FAM174A: variants seen among roughly 807,000 people sequenced by gnomAD.
The protein encoded by FAM174A is membrane protein FAM174A.
Under a neutral mutation model 14.3 loss-of-function variants are expected in FAM174A, and 14 were observed. The ratio of observed to expected loss-of-function variants is 0.98; its 90% CI spans 0.65 to 1.53. FAM174A has a LOEUF of 1.53. Ranked by LOEUF, FAM174A falls within the 40% of genes most tolerant of loss-of-function variation. The pLI is 0.00. For missense variants in FAM174A, 241 were observed against 249.6 expected (o/e 0.97, Z 0.23); for synonymous variants, 108 against 111.4 (o/e 0.97, Z 0.19).
intron 1 of FAM174A, among the ~76,000 whole-genome samples, chr5:100,553,217 T>C (rs186701840): frequency 5.3e-5 from 8 of 152,200 alleles, no homozygotes; most frequent in African/African-American, 1.9e-4. Context: ...TGTTTAAAAA[T>C]AATACACAAT....
chr5:100,554,183 T>C (rs111671784), intron 1 of FAM174A, among the ~76,000 whole-genome samples: 4 of 152,248 alleles, frequency 2.6e-5, no homozygotes, highest in African/African-American at 7.2e-5. Context: ...CCTTAACTTA[T>C]ATTTCCAACT....
intron 1 of FAM174A, among the ~76,000 whole-genome samples, chr5:100,556,881 T>A (rs1043615071): frequency 6.6e-6 from 1 of 152,194 alleles, no homozygotes; most frequent in African/African-American, 2.4e-5. Context: ...AATCATGTCA[T>A]CTGCAAACAG....
chr5:100,553,029 A>G (rs531119097), intron 1 of FAM174A, among the ~76,000 whole-genome samples: 15 of 152,136 alleles, frequency 9.9e-5, no homozygotes, highest in South Asian at 4.1e-4. Context: ...TGCATTTACT[A>G]TGTCTAGTAG....
chr5:100,566,180 A>ATATATGTAC (rs371669507), intron 2 of FAM174A, among the ~76,000 whole-genome samples: 1 of 113,398 alleles, frequency 8.8e-6, no homozygotes, highest in Admixed American at 9.3e-5. Flanking sequence ...ATGTACATAT[A>ATATATGTAC]ATATATATAA....
At chr5:100,570,162 A>G (rs1210596528) in intron 2 of FAM174A, among the ~76,000 whole-genome samples, 3 of 151,744 alleles carry the variant, frequency 2.0e-5, no homozygotes, top group Non-Finnish European at 2.9e-5. Flanking sequence ...TAATTTGGGG[A>G]AGGTGGCCAC....
At chr5:100,569,269 A>G in intron 2 of FAM174A, among the ~76,000 whole-genome samples, 1 of 151,970 alleles carries the variant, frequency 6.6e-6, no homozygotes, top group Admixed American at 6.6e-5. Context: ...AAGTCATGCC[A>G]TATATGTATG....
At chr5:100,582,042 C>T (rs1747027912) in intron 2 of FAM174A, among the ~76,000 whole-genome samples, 1 of 152,002 alleles carries the variant, frequency 6.6e-6, no homozygotes, top group Non-Finnish European at 1.5e-5. Context: ...TAGTCAAGTT[C>T]AAAAGGCTAT....
intron 1 of FAM174A, among the ~76,000 whole-genome samples, chr5:100,560,801 CTGAAATATTT>C (rs1746508250): frequency 6.6e-6 from 1 of 151,912 alleles, no homozygotes; most frequent in South Asian, 2.1e-4. Context: ...TGATAACTTG[CTGAAATATTT>C]TCTATTTATT....
chr5:100,582,117 T>C (rs983425749), intron 2 of FAM174A, among the ~76,000 whole-genome samples: 1 of 152,192 alleles, frequency 6.6e-6, no homozygotes, highest in Admixed American at 6.5e-5. Context: ...AAACTGCAAT[T>C]TTGATTTTAC....
intron 2 of FAM174A, among the ~76,000 whole-genome samples, chr5:100,578,064 GT>G (rs1746936969): frequency 6.6e-6 from 1 of 152,058 alleles, no homozygotes; most frequent in Non-Finnish European, 1.5e-5. Flanking sequence ...TAGTCTGTTT[GT>G]TTGTAGAAGA....
intron 1 of FAM174A, among the ~76,000 whole-genome samples, chr5:100,555,032 C>T (rs1292088032): frequency 1.3e-5 from 2 of 151,970 alleles, no homozygotes; most frequent in African/African-American, 4.8e-5. Flanking sequence ...TACCCATTAA[C>T]TCGTCATTTA....
intron 2 of FAM174A, among the ~76,000 whole-genome samples, chr5:100,582,963 C>G (rs988577133): frequency 7.2e-5 from 11 of 152,274 alleles, no homozygotes; most frequent in African/African-American, 2.4e-4. Flanking sequence ...AACTTAACTA[C>G]TAATAACCTG....
chr5:100,549,519 T>C (rs1746222775), intron 1 of FAM174A, among the ~76,000 whole-genome samples: 1 of 152,154 alleles, frequency 6.6e-6, no homozygotes, highest in Admixed American at 6.6e-5. Context: ...TGATTGTATG[T>C]ACTGAATTAC....
rs182609505 is a variant in FAM174A, at chr5:100,540,527, C to T, written c.434+4563C>T. Among the ~76,000 whole-genome samples, 80 of 152,078 alleles carry T rather than the reference C, an allele frequency of 5.3e-4. No individual in the cohort carries two copies. The Middle Eastern group carries it at 0.014, about 26-fold the overall frequency. ...TCAAATGTTTTCTATATAAAGAGAC[C>T]CAGAAACTTGGAAATGTATTTAACA... On this transcript the variant is annotated intron_variant, in intron 1 of 2. Transcript: ENST00000312637.
chr5:100,569,910 G>T (rs984891460), intron 2 of FAM174A, among the ~76,000 whole-genome samples: 2 of 151,530 alleles, frequency 1.3e-5, no homozygotes, highest in Admixed American at 6.6e-5. Flanking sequence ...ACAATTTTTG[G>T]GTTTTGACTA....
chr5:100,555,864 T>C (rs1040526230), intron 1 of FAM174A, among the ~76,000 whole-genome samples: 1 of 152,180 alleles, frequency 6.6e-6, no homozygotes, highest in Non-Finnish European at 1.5e-5. Flanking sequence ...ATGAGTAGAT[T>C]GCAAAAATTT....
At chr5:100,582,982 T>C (rs917068088) in intron 2 of FAM174A, among the ~76,000 whole-genome samples, 2 of 152,214 alleles carry the variant, frequency 1.3e-5, no homozygotes, top group Admixed American at 6.5e-5. Context: ...TGCTGTTAAC[T>C]GGAAGACTTA....
chr5:100,586,096 C>T (rs1002628685), intron 2 of FAM174A, 85 bp from the exon 3 acceptor site: 10 of 648,476 alleles, frequency 1.5e-5, no homozygotes, highest in Non-Finnish European at 1.8e-5. Flanking sequence ...TCTTCCTTCC[C>T]CTCCAAATCT....
intron 1 of FAM174A, among the ~76,000 whole-genome samples, chr5:100,558,385 G>A (rs534979006): frequency 5.3e-5 from 8 of 152,226 alleles, no homozygotes; most frequent in African/African-American, 1.9e-4. Flanking sequence ...GAATAGGTGT[G>A]GTGTGCTGCT....
Sources: gnomAD v4.1 joint callset for allele counts (sites outside exome capture counted in the v4.1 genomes callset) on GRCh38, gnomAD v4.1.1 for gene constraint, MANE v1.5 for transcripts, NCBI Gene and HGNC (gene_info 2026-07-23, HGNC 2026-07-21) for gene names.